Variants in NAT10 observed in about 807,000 individuals in gnomAD.
The protein encoded by NAT10 is RNA cytidine acetyltransferase.
A neutral mutation model predicts 132.2 loss-of-function variants in NAT10; 109 were observed. The observed-to-expected ratio is 0.82, with a 90% CI of 0.71 to 0.97. The LOEUF is 0.97. Among genes scored for constraint, NAT10 ranks in the 50% least tolerant of loss-of-function variants. The pLI is 0.00. For missense variants in NAT10, 1,184 were observed against 1,263.4 expected, an observed-to-expected ratio of 0.94 and a Z score of 0.95; for synonymous variants, 479 against 478.0, an observed-to-expected ratio of 1.00 and a Z score of -0.03.
At position 34,133,057 on chromosome 11, in the gene NAT10, A is replaced by G; in HGVS notation, c.1649A>G (p.Asp550Gly). 6.2e-7 allele frequency: 1 copy of G among 1,614,082 alleles called. No homozygotes were observed. Among genetic ancestry groups the G allele is most frequent in the Non-Finnish European group, 8.5e-7 (1 of 1,179,990 alleles). ...NSPNDLQMLS[D>G]APAHHLFCLL... ...CCCAATGATCTCCAGATGCTCTCCG[A>G]TGCACCTGCTCACCATCTCTTCTGC... Residue 550 changes from aspartate to glycine, a missense_variant, in exon 16 of 29, where the codon GAT becomes GGT. Physicochemically the swap from Asp to Gly is moderately conservative, Grantham distance 94 (BLOSUM62 -1). Transcript: ENST00000257829.
intron 2 of NAT10, 140 bp from the exon 3 acceptor site, chr11:34,108,602 C>A: frequency 1.3e-6 from 1 of 795,576 alleles, no homozygotes; most frequent in South Asian, 1.8e-5. Flanking sequence ...CAAACCTGGT[C>A]ATTGCTCGCC....
rs1384211938 is a variant in NAT10, at chr11:34,118,515, G to A, written c.780+12G>A. On this transcript the variant is annotated intron_variant, in intron 8 of 28. Transcript: ENST00000257829. ...AGACTCTAGACCAGGTGAGTGTGGT[G>A]CTCAGCACTTCCAACACAAAGGTAG... The A allele has an allele frequency of 2.5e-6, 4 of 1,602,306 alleles. No individual in the cohort carries two copies. Among genetic ancestry groups the A allele is most frequent in the African/African-American group, 1.3e-5 (1 of 74,498 alleles).
intron 26 of NAT10, 83 bp downstream of exon 26, chr11:34,141,900 C>G: frequency 1.7e-6 from 2 of 1,189,484 alleles, no homozygotes; most frequent in Non-Finnish European, 2.5e-6. Flanking sequence ...CTTCCCCTTC[C>G]CCTTTAGAAA....
chr11:34,119,985 G>A lies in NAT10; in HGVS notation c.780+1482G>A, dbSNP rs1422063115. ...ATGCCTTTTTCTCTACACCCTCGCA[G>A]CCGTGATTCCTAGTAAACTTGTAAG... On this transcript the variant is annotated intron_variant, in intron 8 of 28. Transcript: ENST00000257829. Among the ~76,000 whole-genome samples, 4 of 152,146 alleles carry A rather than the reference G, an allele frequency of 2.6e-5. No individual in the cohort carries two copies. The East Asian group carries it at 7.7e-4, about 29-fold the overall frequency.
At position 34,122,483 on chromosome 11, in the gene NAT10, G is replaced by T; in HGVS notation, c.805G>T (p.Glu269Ter). The T allele has an allele frequency of 6.2e-7, 1 of 1,614,116 alleles. No homozygotes were observed. The highest frequency in any genetic ancestry group is 8.5e-7 in the Non-Finnish European group (1 of 1,180,014). The change falls in exon 9 of 29, where the codon GAG becomes TAG. Residue 269 changes from glutamate (E) to a stop codon, truncating the protein, a stop_gained. Transcript: ENST00000257829. LOFTEE classifies it high-confidence loss of function. ...GGCCAAAGCTGTCTTGAAATTTATC[G>T]AGGGCATCTCTGAAAAGACCCTGAG... ...DQAKAVLKFI[E>*]GISEKTLRST...
intron 12 of NAT10, among the ~76,000 whole-genome samples, chr11:34,128,307 T>C (rs1451177944): frequency 2.6e-5 from 4 of 151,144 alleles, no homozygotes; most frequent in South Asian, 4.2e-4. Flanking sequence ...TGAGCCGAGA[T>C]TGCACCACTG....
chr11:34,108,801 G>A lies in NAT10; in HGVS notation c.168G>A (p.Leu56=). The change falls in exon 3 of 29, where the codon CTG becomes CTA. Residue 56 remains leucine (L), a synonymous_variant. Coordinates refer to ENST00000257829, the MANE Select transcript of NAT10 (RefSeq NM_024662.3). ...CTGTGAAGGCTCGGCCTTCAGTGCTGTGGTGTTATAAGAAAGAGCTGGGGT... is the reference window on the plus strand; with the variant it reads ...CTGTGAAGGCTCGGCCTTCAGTGCTATGGTGTTATAAGAAAGAGCTGGGGT... ...KATVKARPSV[L]WCYKKELGFS... 1.9e-6 allele frequency: 3 copies of A among 1,613,964 alleles called. No individual in the cohort carries two copies. The highest frequency in any genetic ancestry group is 1.7e-6 in the Non-Finnish European group (2 of 1,179,940).
Position 34,113,710 on chromosome 11 carries a change from T to C in NAT10, c.373-6T>C. On this transcript the variant is annotated splice_polypyrimidine_tract_variant and splice_region_variant and intron_variant, in intron 4 of 28. Transcript: ENST00000257829. ...ACCAGCCCTTTCTAACGCCCCCTTC[T>C]TCCAGGATTTTGAAGCCTTAACTCC... 1 of 1,611,560 alleles carries C rather than the reference T, an allele frequency of 6.2e-7. No individual in the cohort carries two copies. The highest frequency in any genetic ancestry group is 8.5e-7 in the Non-Finnish European group (1 of 1,178,864).
At chr11:34,121,858 CAAAAAAAAA>C (rs34304264) in intron 8 of NAT10, among the ~76,000 whole-genome samples, 3 of 36,830 alleles carry the variant, frequency 8.1e-5, no homozygotes, top group Non-Finnish European at 1.4e-4. Context: ...GACTCTGTCT[CAAAAAAAAA>C]AAAAAAAAAA....
chr11:34,113,921 G>T (rs1423817656), intron 5 of NAT10, 83 bp downstream of exon 5: 2 of 1,537,816 alleles, frequency 1.3e-6, no homozygotes, highest in Non-Finnish European at 1.8e-6. Context: ...AAGAATTCCT[G>T]TTGGGCAGCT....
At chr11:34,116,736 A>T (rs1158161938) in intron 6 of NAT10, among the ~76,000 whole-genome samples, 1 of 152,182 alleles carries the variant, frequency 6.6e-6, no homozygotes, top group Non-Finnish European at 1.5e-5. Context: ...CCGGGATTAC[A>T]GGAGCCCACC....
Position 34,132,057 on chromosome 11 carries a change from C to T in NAT10, c.1521-68C>T, listed in dbSNP as rs975163498. 3.8e-5 allele frequency: 45 copies of T among 1,181,346 alleles called. 1 individual carries two copies. Among genetic ancestry groups the T allele is most frequent in the Non-Finnish European group, 5.5e-5 (43 of 788,058 alleles). 73.2% of individuals were successfully genotyped at this position (1,181,346 alleles called of 1,614,324 possible). ...TTCCCAGCTACGGAAATTTGTTCTG[C>T]CTCCAGAGAGTAGTATGACCTGTCT... is the stretch of plus-strand genomic sequence containing the variant. On this transcript the variant is annotated intron_variant, in intron 14 of 28. Coordinates refer to ENST00000257829, the MANE Select transcript of NAT10 (RefSeq NM_024662.3).
chr11:34,121,481 G>A (rs1851891160), intron 8 of NAT10, among the ~76,000 whole-genome samples: 1 of 152,100 alleles, frequency 6.6e-6, no homozygotes, highest in Admixed American at 6.5e-5. Context: ...AGGAGGTTTG[G>A]GGCAACTTTA....
At chr11:34,122,389 A>G (rs1346024613) in intron 8 of NAT10, 70 bp from the exon 9 acceptor site, 1 of 1,597,844 alleles carries the variant, frequency 6.3e-7, no homozygotes, top group African/African-American at 1.3e-5. Context: ...ACTTCTCCAC[A>G]GTGATGGTGA....
At chr11:34,137,838 G>A (rs1312637406) in intron 21 of NAT10, among the ~76,000 whole-genome samples, 5 of 152,204 alleles carry the variant, frequency 3.3e-5, no homozygotes, top group African/African-American at 9.6e-5. Flanking sequence ...ACACGTCAAG[G>A]TGAAAAAGTG....
chr11:34,108,698 A>C (rs1159149577), intron 2 of NAT10, 44 bp from the exon 3 acceptor site: 1 of 1,562,174 alleles, frequency 6.4e-7, no homozygotes, highest in East Asian at 2.2e-5. Context: ...CGGTCTCTAA[A>C]GTCTCTTTTG....
At chr11:34,137,123 T>G in intron 21 of NAT10, 97 bp downstream of exon 21, 1 of 1,340,858 alleles carries the variant, frequency 7.5e-7, no homozygotes, top group Non-Finnish European at 1.1e-6. Flanking sequence ...CCCTGCTGCA[T>G]CGCTCTGAGC....
intron 4 of NAT10, among the ~76,000 whole-genome samples, chr11:34,113,148 AATG>A (rs936638012): frequency 6.6e-6 from 1 of 152,164 alleles, no homozygotes; most frequent in African/African-American, 2.4e-5. Context: ...TTGCCTGAAT[AATG>A]ACTCCTGTGA....
chr11:34,113,413 T>C (rs756481335), intron 4 of NAT10, among the ~76,000 whole-genome samples: 98 of 152,022 alleles, frequency 6.4e-4, no homozygotes, highest in Admixed American at 1.2e-3. Flanking sequence ...TACCCCTGTG[T>C]GTGTATCCTG....
Sources: gnomAD v4.1 joint callset for allele counts (sites outside exome capture counted in the v4.1 genomes callset) on GRCh38, gnomAD v4.1.1 for gene constraint, MANE v1.5 for transcripts, NCBI Gene and HGNC (gene_info 2026-07-23, HGNC 2026-07-21) for gene names.